FOXK1: variants seen among roughly 807,000 people sequenced by gnomAD.
The protein encoded by FOXK1 is forkhead box protein K1.
In FOXK1, 19 loss-of-function variants were observed where a neutral mutation model predicts 51.9. The ratio of observed to expected loss-of-function variants is 0.37; its 90% CI spans 0.26 to 0.54. The LOEUF is 0.54. Ranked by LOEUF, FOXK1 falls within the 20% of genes least tolerant of loss-of-function variation. The pLI, the probability that FOXK1 is intolerant of heterozygous loss-of-function variation, is 0.87. For missense variants in FOXK1, 870 were observed against 1,032.7 expected, an observed-to-expected ratio of 0.84 and a Z score of 2.16; for synonymous variants, 537 against 482.6, an observed-to-expected ratio of 1.11 and a Z score of -1.48.
intron 2 of FOXK1, among the ~76,000 whole-genome samples, chr7:4,750,761 A>G (rs1290254616): frequency 2.7e-5 from 4 of 150,008 alleles, no homozygotes; most frequent in Non-Finnish European, 4.4e-5. Context: ...CTGGAGTACA[A>G]TGGCATAATC....
At chr7:4,751,280 CAAAAGCATTGGGATTACCAATCCCAA>C (rs910348215) in intron 2 of FOXK1, among the ~76,000 whole-genome samples, 5 of 148,852 alleles carry the variant, frequency 3.4e-5, no homozygotes, top group African/African-American at 1.2e-4. Context: ...CGGGTAATCC[CAAAAGCATTGGGATTACCAATCCCAA>C]AGCACTGGGA....
chr7:4,738,633 G>A (rs1487590755), intron 1 of FOXK1, among the ~76,000 whole-genome samples: 1 of 152,030 alleles, frequency 6.6e-6, no homozygotes. Context: ...AGGGGTGACC[G>A]ACCACCCACC....
intron 1 of FOXK1, among the ~76,000 whole-genome samples, chr7:4,698,147 C>T (rs1336348834): frequency 1.3e-5 from 2 of 151,998 alleles, no homozygotes; most frequent in Admixed American, 1.3e-4. Context: ...TAAAATTTTA[C>T]GTTTTGAAAA....
rs1780474484 is a variant in FOXK1 at position 4,731,367 on chromosome 7, A to AGG, written c.561-9471_561-9470insGG. ...CTAAAGACACGTTGCAGCCTGCAAA[A>AGG]TTCGAAAAGTACCTGGAGTATGTAA... On this transcript the variant is annotated intron_variant, in intron 1 of 8. Coordinates refer to ENST00000328914, the MANE Select transcript of FOXK1 (RefSeq NM_001037165.2). The surrounding 1 kb of genome is among the most constrained non-coding windows in gnomAD (Gnocchi z 5.3). Among the ~76,000 whole-genome samples the AGG allele has an allele frequency of 6.6e-6, 1 of 152,234 alleles. No homozygotes were observed. Among genetic ancestry groups the AGG allele is most frequent in the Admixed American group, 6.5e-5 (1 of 15,284 alleles).
Position 4,715,414 on chromosome 7 carries a change from C to G in FOXK1, c.561-25424C>G, listed in dbSNP as rs564141056. 9.2e-5 allele frequency among the ~76,000 whole-genome samples: 14 copies of G among 152,112 alleles called. No individual in the cohort carries two copies. The highest frequency in any genetic ancestry group is 2.1e-4 in the Non-Finnish European group (14 of 67,996). ...AATGGGATCGCACGGTGGTCCAGAT[C>G]GTCTGTGCACCCATCCTTGCCCTGC... On this transcript the variant is annotated intron_variant, in intron 1 of 8. Coordinates refer to ENST00000328914, the MANE Select transcript of FOXK1 (RefSeq NM_001037165.2). The surrounding 1 kb of genome is among the most constrained non-coding windows in gnomAD (Gnocchi z 4.5).
At chr7:4,737,068 C>G (rs1431968224) in intron 1 of FOXK1, among the ~76,000 whole-genome samples, 1 of 151,876 alleles carries the variant, frequency 6.6e-6, no homozygotes, top group Admixed American at 6.6e-5. Context: ...TGTGCATGTG[C>G]GTGTGCAAAT....
chr7:4,725,673 A>G (rs1780371914), intron 1 of FOXK1, among the ~76,000 whole-genome samples: 1 of 152,242 alleles, frequency 6.6e-6, no homozygotes, highest in South Asian at 2.1e-4. Context: ...TGGACACACC[A>G]AGGCTGCCGA....
At position 4,683,610 on chromosome 7, in the gene FOXK1, C is replaced by G. The variant is rs1377748115; in HGVS notation, c.560+742C>G. On this transcript the variant is annotated intron_variant, in intron 1 of 8. Transcript: ENST00000328914. This position sits in a 1 kb window ranked among gnomAD's most constrained non-coding sequence, Gnocchi z 4.5. ...CCCCCACCAGCTTGGACTCCAGGGT[C>G]ACCCCAGCCTGACCTGGTTCTCAGG... Among the ~76,000 whole-genome samples, 2 of 151,686 alleles carry G rather than the reference C, an allele frequency of 1.3e-5. No individual in the cohort carries two copies. Among genetic ancestry groups the G allele is most frequent in the Non-Finnish European group, 2.9e-5 (2 of 67,854 alleles).
Position 4,768,463 on chromosome 7 carries a change from CTT to C in FOXK1, c.*6000_*6001del. ...CTTCTTTAGGGAAAATAGTTTCAGT[CTT>C]GGGTTGTCTTGTGAGCCCACGGGCA... On this transcript the variant is annotated 3_prime_UTR_variant, in exon 9 of 9. Transcript: ENST00000328914. 1 of 152,472 alleles carries C rather than the reference CTT, an allele frequency of 6.6e-6. No homozygotes were observed. Among genetic ancestry groups the C allele is most frequent in the East Asian group, 1.9e-4 (1 of 5,188 alleles). 9.4% of individuals were successfully genotyped at this position (152,472 alleles called of 1,614,324 possible). A position where few individuals can be genotyped will look rare whatever the true frequency, so the allele number is the denominator to read the frequency against.
At chr7:4,737,683 C>G (rs1247302872) in intron 1 of FOXK1, among the ~76,000 whole-genome samples, 1 of 152,170 alleles carries the variant, frequency 6.6e-6, no homozygotes, top group Non-Finnish European at 1.5e-5. Context: ...ATGCTGGCCC[C>G]AAACCTCTTT....
rs191505515 is a variant in FOXK1 at position 4,753,422 on chromosome 7, G to C, written c.747-1037G>C. On this transcript the variant is annotated intron_variant, in intron 2 of 8. Coordinates refer to ENST00000328914, the MANE Select transcript of FOXK1 (RefSeq NM_001037165.2). The surrounding 1 kb of genome is among the most constrained non-coding windows in gnomAD (Gnocchi z 4.9). ...TTCTGGATGGTTCTGGATGGTTCTGGGTGGTTCTGGATGGTTCTGGGTGGC... is the reference window on the plus strand; with the variant it reads ...TTCTGGATGGTTCTGGATGGTTCTGCGTGGTTCTGGATGGTTCTGGGTGGC... Among the ~76,000 whole-genome samples the C allele has an allele frequency of 1.6e-4, 24 of 152,170 alleles. No homozygotes were observed. The East Asian group carries it at 4.5e-3, about 28-fold the overall frequency.
intron 1 of FOXK1, among the ~76,000 whole-genome samples, chr7:4,725,028 C>T (rs1409133712): frequency 6.6e-6 from 1 of 152,246 alleles, no homozygotes; most frequent in Non-Finnish European, 1.5e-5. Context: ...CTGCCTGCTG[C>T]CCTCTGTCCC....
intron 1 of FOXK1, among the ~76,000 whole-genome samples, chr7:4,689,775 A>G (rs1193392831): frequency 6.6e-6 from 1 of 152,204 alleles, no homozygotes; most frequent in Non-Finnish European, 1.5e-5. Context: ...GGGAAGTCGA[A>G]TGCCCCACTA....
At chr7:4,721,025 C>T (rs996181986) in intron 1 of FOXK1, among the ~76,000 whole-genome samples, 1 of 152,094 alleles carries the variant, frequency 6.6e-6, no homozygotes, top group Non-Finnish European at 1.5e-5. Flanking sequence ...TTACCTAGGT[C>T]TTTTTTGTCT....
intron 5 of FOXK1, 65 bp downstream of exon 5, chr7:4,757,252 A>T: frequency 7.0e-7 from 1 of 1,423,586 alleles, no homozygotes; most frequent in South Asian, 1.3e-5. Flanking sequence ...GAGTTTAGAG[A>T]TACGTGGCGC....
intron 1 of FOXK1, among the ~76,000 whole-genome samples, chr7:4,710,948 C>T (rs890685388): frequency 2.6e-5 from 4 of 152,146 alleles, no homozygotes; most frequent in Non-Finnish European, 5.9e-5. Context: ...TGTGTCTGTC[C>T]GCATTACCTG....
chr7:4,731,531 G>A lies in FOXK1; in HGVS notation c.561-9307G>A, dbSNP rs1479817393. ...TCCCAGCACTTTGGGAGGCCAAAGC[G>A]GGTGCATCACCTGAGGTCAGGAGTT... On this transcript the variant is annotated intron_variant, in intron 1 of 8. Transcript: ENST00000328914. The surrounding 1 kb of genome is among the most constrained non-coding windows in gnomAD (Gnocchi z 5.3). Among the ~76,000 whole-genome samples, 3 of 152,114 alleles carry A rather than the reference G, an allele frequency of 2.0e-5. No homozygotes were observed. The highest frequency in any genetic ancestry group is 6.5e-5 in the Admixed American group (1 of 15,280).
chr7:4,718,710 T>C (rs1316421612), intron 1 of FOXK1, among the ~76,000 whole-genome samples: 1 of 152,242 alleles, frequency 6.6e-6, no homozygotes, highest in African/African-American at 2.4e-5. Context: ...TTTACCTTCC[T>C]TCCACCCATG....
chr7:4,737,513 CGTGCATGCA>C (rs1780569342), intron 1 of FOXK1, among the ~76,000 whole-genome samples: 1 of 149,348 alleles, frequency 6.7e-6, no homozygotes, highest in African/African-American at 2.5e-5. Context: ...TGGGCGTGTC[CGTGCATGCA>C]TGTGTGCATT....
Sources: allele counts gnomAD v4.1 joint callset (sites outside exome capture counted in the v4.1 genomes callset), GRCh38; gene constraint gnomAD v4.1.1; non-coding constraint Gnocchi (gnomAD v3.1); transcripts MANE v1.5; gene names NCBI Gene and HGNC (gene_info 2026-07-23, HGNC 2026-07-21).